The following CACNA2D3 variants were observed in gnomAD, a reference collection of about 807,000 sequenced individuals.
CACNA2D3 encodes the protein calcium voltage-gated channel auxiliary subunit alpha2delta 3.
CACNA2D3 carries 60 observed loss-of-function variants against 160.6 expected under a neutral mutation model. The observed-to-expected ratio is 0.37, with a 90% CI of 0.30 to 0.46. The LOEUF is 0.46. Ranked by LOEUF, CACNA2D3 falls within the 20% of genes least tolerant of loss-of-function variation. CACNA2D3 has a pLI of 1.00. For missense variants in CACNA2D3, 1,205 were observed against 1,365.0 expected, an observed-to-expected ratio of 0.88 and a Z score of 1.85; for synonymous variants, 558 against 492.9, an observed-to-expected ratio of 1.13 and a Z score of -1.75.
chr3:54,295,330 A>G (rs954892905), intron 2 of CACNA2D3, among the ~76,000 whole-genome samples: 2 of 152,164 alleles, frequency 1.3e-5, no homozygotes, highest in Non-Finnish European at 2.9e-5. Context: ...GCCTCTGTAA[A>G]CCAAAGGTAT....
chr3:54,171,333 G>A (rs1700566101), intron 2 of CACNA2D3, among the ~76,000 whole-genome samples: 1 of 151,670 alleles, frequency 6.6e-6, no homozygotes, highest in Admixed American at 6.6e-5. Context: ...GACAGGCCCT[G>A]CAGTCTTCGT....
chr3:54,994,765 A>T (rs1490801156), intron 31 of CACNA2D3, among the ~76,000 whole-genome samples: 1 of 152,192 alleles, frequency 6.6e-6, no homozygotes, highest in Non-Finnish European at 1.5e-5. Flanking sequence ...GGAGGCTCCC[A>T]GCAACTTGTC....
At chr3:54,179,847 C>T (rs1177386471) in intron 2 of CACNA2D3, among the ~76,000 whole-genome samples, 1 of 152,160 alleles carries the variant, frequency 6.6e-6, no homozygotes, top group Non-Finnish European at 1.5e-5. Context: ...GGCTTTGAGC[C>T]TCCAGAACTG....
At chr3:54,684,680 T>C (rs955101367) in intron 11 of CACNA2D3, among the ~76,000 whole-genome samples, 4 of 151,300 alleles carry the variant, frequency 2.6e-5, no homozygotes, top group Non-Finnish European at 5.9e-5. Flanking sequence ...GGAGACACTC[T>C]GACCTTTCAC....
intron 14 of CACNA2D3, among the ~76,000 whole-genome samples, chr3:54,822,798 T>TC (rs1408186391): frequency 0.061 from 4,874 of 79,364 alleles, 119 homozygotes; most frequent in Non-Finnish European, 0.072. Context: ...TTCCTTTCTT[T>TC]CTTTCTTTCT....
chr3:54,374,938 T>C lies in CACNA2D3; in HGVS notation c.322-11777T>C, dbSNP rs554585094. Among the ~76,000 whole-genome samples the C allele has an allele frequency of 3.9e-5, 6 of 152,316 alleles. No homozygotes were observed. The South Asian group carries it at 1.2e-3, about 32-fold the overall frequency. On this transcript the variant is annotated intron_variant, in intron 3 of 37. Coordinates refer to ENST00000474759, the MANE Select transcript of CACNA2D3 (RefSeq NM_018398.3). ...CCAGCCTCCTTTCTCACTAGCTCCC[T>C]GCCCCCGACACAGGCTCCCCTCCAC... is the stretch of plus-strand genomic sequence containing the variant.
chr3:54,677,621 G>GC (rs1491209169), intron 11 of CACNA2D3, among the ~76,000 whole-genome samples: 1 of 71,452 alleles, frequency 1.4e-5, no homozygotes, highest in African/African-American at 6.9e-5. Flanking sequence ...TTTTTTTTTT[G>GC]GGGGGGGGGC....
At chr3:54,139,077 G>A (rs1046145530) in intron 2 of CACNA2D3, among the ~76,000 whole-genome samples, 1 of 152,220 alleles carries the variant, frequency 6.6e-6, no homozygotes, top group African/African-American at 2.4e-5. Flanking sequence ...GCAGCTCGCT[G>A]CTTCTCCCTG....
chr3:54,830,396 G>T (rs1441072270), intron 14 of CACNA2D3, among the ~76,000 whole-genome samples: 1 of 151,794 alleles, frequency 6.6e-6, no homozygotes, highest in Admixed American at 6.6e-5. Context: ...GATAACCGCC[G>T]GTCTTTGCTT....
At chr3:54,563,307 C>G (rs1477996185) in intron 6 of CACNA2D3, among the ~76,000 whole-genome samples, 1 of 152,156 alleles carries the variant, frequency 6.6e-6, no homozygotes, top group Non-Finnish European at 1.5e-5. Context: ...GGGAAAAGAG[C>G]ATACTTGGGC....
At chr3:54,773,180 A>G (rs747646520) in intron 13 of CACNA2D3, among the ~76,000 whole-genome samples, 2 of 152,226 alleles carry the variant, frequency 1.3e-5, no homozygotes, top group Admixed American at 1.3e-4. Context: ...AACACTATGC[A>G]TTTGATAAAT....
intron 12 of CACNA2D3, among the ~76,000 whole-genome samples, chr3:54,763,825 GTATA>G (rs1217744897): frequency 1.7e-5 from 1 of 58,316 alleles, no homozygotes; most frequent in South Asian, 6.8e-4. Flanking sequence ...ATATATATAC[GTATA>G]TATATGTATA....
intron 10 of CACNA2D3, among the ~76,000 whole-genome samples, chr3:54,635,984 G>A (rs1699361788): frequency 1.3e-5 from 2 of 152,008 alleles, no homozygotes; most frequent in Admixed American, 6.5e-5. Context: ...ACTCGGGCAT[G>A]TTAAGTAAAG....
intron 2 of CACNA2D3, among the ~76,000 whole-genome samples, chr3:54,128,979 G>A (rs1161326591): frequency 6.6e-6 from 1 of 152,172 alleles, no homozygotes; most frequent in Admixed American, 6.5e-5. Flanking sequence ...AGTTCCTAAT[G>A]TCAGGCTTCT....
intron 26 of CACNA2D3, among the ~76,000 whole-genome samples, chr3:54,899,578 C>T (rs779699034): frequency 1.1e-4 from 17 of 152,122 alleles, no homozygotes; most frequent in Non-Finnish European, 1.9e-4. Context: ...TAACTCAACT[C>T]GCCAATTCCT....
intron 17 of CACNA2D3, among the ~76,000 whole-genome samples, chr3:54,871,224 C>CACACA (rs1491220764): frequency 9.2e-6 from 1 of 109,208 alleles, no homozygotes; most frequent in African/African-American, 3.9e-5. Flanking sequence ...CACACACACA[C>CACACA]CCCCCATTCA....
At chr3:54,533,480 G>A (rs564312365) in intron 5 of CACNA2D3, among the ~76,000 whole-genome samples, 1 of 151,840 alleles carries the variant, frequency 6.6e-6, no homozygotes, top group Non-Finnish European at 1.5e-5. Flanking sequence ...GATTATAGGG[G>A]CATGCCACCA....
intron 5 of CACNA2D3, among the ~76,000 whole-genome samples, chr3:54,517,971 A>AC (rs1428540940): frequency 8.6e-5 from 13 of 151,912 alleles, no homozygotes; most frequent in Non-Finnish European, 1.9e-4. Context: ...AGCCCTCAGG[A>AC]CCCCTGGTGC....
intron 11 of CACNA2D3, among the ~76,000 whole-genome samples, chr3:54,684,330 T>C (rs914412700): frequency 6.6e-6 from 1 of 152,148 alleles, no homozygotes; most frequent in African/African-American, 2.4e-5. Flanking sequence ...CATCCTCAAC[T>C]TGACTGTATC....
Sources: gnomAD v4.1 joint callset for allele counts (sites outside exome capture counted in the v4.1 genomes callset) on GRCh38, gnomAD v4.1.1 for gene constraint, MANE v1.5 for transcripts, NCBI Gene and HGNC (gene_info 2026-07-23, HGNC 2026-07-21) for gene names.